Variants in DMD observed in about 807,000 individuals in gnomAD.
DMD encodes mutant dystrophin.
In DMD, 63 loss-of-function variants were observed where a neutral mutation model predicts 330.1. The ratio of observed to expected loss-of-function variants is 0.19; its 90% CI spans 0.16 to 0.24. The LOEUF (loss-of-function observed/expected upper bound fraction) is 0.24. Among genes scored for constraint, DMD ranks in the 10% least tolerant of loss-of-function variants. DMD has a pLI of 1.00. For synonymous variants in DMD, 1,223 were observed against 959.8 expected (o/e 1.27, Z -5.07); for missense variants, 3,344 against 2,684.1 (o/e 1.25, Z -5.43).
chrX:32,740,170 A>G (rs1218028102), intron 7 of DMD, among the ~76,000 whole-genome samples: 1 of 109,843 alleles, frequency 9.1e-6, no homozygotes, highest in Non-Finnish European at 1.9e-5. Context: ...TTATATTGAG[A>G]TGACCCTTCT....
At chrX:31,304,036 T>G (rs1261889743) in intron 62 of DMD, among the ~76,000 whole-genome samples, 1 of 112,430 alleles carries the variant, frequency 8.9e-6, no homozygotes, top group Non-Finnish European at 1.9e-5. Flanking sequence ...ATGTTTTTCT[T>G]AGGTAAGGAG....
At chrX:32,256,917 C>G (rs1343587906) in intron 43 of DMD, among the ~76,000 whole-genome samples, 1 of 111,076 alleles carries the variant, frequency 9.0e-6, no homozygotes, top group Non-Finnish European at 1.9e-5. Context: ...TGTGGGTAAC[C>G]CAGCCTTTCT....
intron 16 of DMD, among the ~76,000 whole-genome samples, chrX:32,554,933 GAAAGAA>G (rs2050110307): frequency 1.0e-4 from 3 of 29,179 alleles, no homozygotes; most frequent in Admixed American, 4.6e-4. Flanking sequence ...AAGAAAGAAA[GAAAGAA>G]AGAGAGAGAG....
chrX:31,282,919 T>G (rs962623465), intron 62 of DMD, among the ~76,000 whole-genome samples: 99 of 111,931 alleles, frequency 8.8e-4, no homozygotes, highest in African/African-American at 3.0e-3. Flanking sequence ...ATCCTGAAAA[T>G]GAAGGCAGAT....
chrX:31,705,936 A>C lies in DMD; in HGVS notation c.7660+23695T>G, dbSNP rs144018138. On this transcript the variant is annotated intron_variant, in intron 52 of 78. Transcript: ENST00000357033. ...TCTGAAGAGGCAGATCAAATGCATG[A>C]AATTGAAATAAGACATTCAGGAAAG... Among the ~76,000 whole-genome samples the C allele has an allele frequency of 3.9e-3, 441 of 111,654 alleles. 4 individuals are homozygous for C. Among genetic ancestry groups the C allele is most frequent in the East Asian group, 0.022 (78 of 3,535 alleles).
intron 2 of DMD, among the ~76,000 whole-genome samples, chrX:33,011,203 G>A (rs996743523): frequency 9.0e-6 from 1 of 111,317 alleles, no homozygotes; most frequent in Non-Finnish European, 1.9e-5. Context: ...GAGCTTCACA[G>A]TCTTCAATCA....
At chrX:33,067,489 C>T (rs2148130128) in intron 1 of DMD, among the ~76,000 whole-genome samples, 1 of 112,240 alleles carries the variant, frequency 8.9e-6, no homozygotes, top group East Asian at 2.8e-4. Context: ...TTGTTTCATT[C>T]ATTTTTTTAG....
chrX:32,628,839 C>T (rs1405723793), intron 11 of DMD, among the ~76,000 whole-genome samples: 2 of 111,419 alleles, frequency 1.8e-5, no homozygotes, highest in East Asian at 5.6e-4. Flanking sequence ...AAAATTCTTC[C>T]TACTGATATC....
chrX:32,428,273 T>C lies in DMD; in HGVS notation c.4071+9968A>G, dbSNP rs376098774. 1.8e-4 allele frequency among the ~76,000 whole-genome samples: 20 copies of C among 112,120 alleles called. No individual in the cohort carries two copies. The East Asian group carries it at 4.5e-3, about 25-fold the overall frequency. ...TTAACCATCCATTTTGAATTCATCT[T>C]TGATCCACAAATTATTTACTTTAGT... On this transcript the variant is annotated intron_variant, in intron 29 of 78. Transcript: ENST00000357033.
chrX:31,923,462 T>C (rs185223027), intron 47 of DMD, among the ~76,000 whole-genome samples: 72 of 111,325 alleles, frequency 6.5e-4, no homozygotes, highest in Admixed American at 3.5e-3. Context: ...AATTACAGCT[T>C]TGCTGTAATT....
intron 47 of DMD, among the ~76,000 whole-genome samples, chrX:31,903,005 T>G (rs2094440992): frequency 9.0e-6 from 1 of 111,525 alleles, no homozygotes; most frequent in African/African-American, 3.3e-5. Context: ...GTCCCTATTA[T>G]GACACCTCTC....
At chrX:32,951,906 C>T (rs1390078589) in intron 2 of DMD, among the ~76,000 whole-genome samples, 2 of 111,175 alleles carry the variant, frequency 1.8e-5, no homozygotes, top group Admixed American at 9.7e-5. Context: ...ACTAAGCCCT[C>T]GGGGCCTCTT....
At chrX:32,073,635 G>A (rs1030613443) in intron 44 of DMD, among the ~76,000 whole-genome samples, 30 of 111,531 alleles carry the variant, frequency 2.7e-4, no homozygotes, top group Non-Finnish European at 4.5e-4. Flanking sequence ...AGACTCATAA[G>A]TTTTCAAAGA....
At chrX:32,062,568 T>C (rs1289266275) in intron 44 of DMD, among the ~76,000 whole-genome samples, 1 of 111,183 alleles carries the variant, frequency 9.0e-6, no homozygotes, top group Non-Finnish European at 1.9e-5. Flanking sequence ...CAGAAATGTA[T>C]CAGCTCTTTA....
chrX:31,298,154 TAC>T (rs1178883145), intron 62 of DMD, among the ~76,000 whole-genome samples: 1 of 111,710 alleles, frequency 9.0e-6, no homozygotes, highest in African/African-American at 3.3e-5. Context: ...AAGTAAAATG[TAC>T]ACACATACCT....
At chrX:32,530,191 A>T (rs1397029467) in intron 17 of DMD, among the ~76,000 whole-genome samples, 4 of 112,494 alleles carry the variant, frequency 3.6e-5, no homozygotes, top group African/African-American at 1.3e-4. Context: ...ACCGAATTAT[A>T]TACTTAGTAT....
intron 2 of DMD, 133 bp downstream of exon 2, chrX:33,020,006 C>G: frequency 2.1e-6 from 1 of 465,697 alleles, no homozygotes; most frequent in Non-Finnish European, 3.7e-6. Context: ...CATAATATTT[C>G]CAGATTTGCA....
intron 1 of DMD, among the ~76,000 whole-genome samples, chrX:33,146,375 T>G: frequency 8.9e-6 from 1 of 111,964 alleles, no homozygotes; most frequent in East Asian, 2.8e-4. Context: ...TTTCATAATT[T>G]TTAAATTTTT....
At chrX:32,178,638 T>C (rs1036098912) in intron 44 of DMD, among the ~76,000 whole-genome samples, 2 of 111,195 alleles carry the variant, frequency 1.8e-5, no homozygotes, top group Non-Finnish European at 1.9e-5. Context: ...CTGACCCTGG[T>C]AACCACTGTT....
Sources: allele counts gnomAD v4.1 joint callset (sites outside exome capture counted in the v4.1 genomes callset), GRCh38; gene constraint gnomAD v4.1.1; transcripts MANE v1.5; gene names NCBI Gene and HGNC (gene_info 2026-07-23, HGNC 2026-07-21).